CORO7: variants seen among roughly 807,000 people sequenced by gnomAD.
CORO7 encodes the protein coronin-7.
Under a neutral mutation model 126.6 loss-of-function variants are expected in CORO7, and 107 were observed. That is an observed-to-expected ratio of 0.85 (90% CI 0.72 to 0.99). The LOEUF is 0.99. Ranked by LOEUF, CORO7 falls within the 50% of genes least tolerant of loss-of-function variation. The pLI is 0.00. For missense variants in CORO7, 1,314 were observed against 1,255.8 expected (o/e 1.05, Z -0.70); for synonymous variants, 603 against 536.8 (o/e 1.12, Z -1.70).
intron 9 of CORO7, among the ~76,000 whole-genome samples, chr16:4,383,770 C>T (rs2055091025): frequency 1.3e-5 from 2 of 152,252 alleles, no homozygotes; most frequent in South Asian, 4.1e-4. Context: ...CAGGCCCTGT[C>T]TTCTGCCAGC....
At position 4,362,070 on chromosome 16, in the gene CORO7, G is replaced by C. The variant is rs1264903513; in HGVS notation, c.1493C>G (p.Pro498Arg). ...GGCACAGAAGCCGTCACTCTCACCA[G>C]GTGTGGTGAGGTTGAGCCCCTTGAG... is the stretch of plus-strand genomic sequence containing the variant. The part of the protein sequence containing the change: ...TNLKGLNLTT[P>R]GESDGFCANK... The change falls in exon 16 of 28, where the codon CCT becomes CGT. Residue 498 changes from proline (P) to arginine (R), a missense_variant. By Grantham distance (103) the Pro-to-Arg change is moderately radical. Transcript: ENST00000251166. This position sits in a 1 kb window ranked among gnomAD's most constrained non-coding sequence, Gnocchi z 5.3. 3 of 1,613,056 alleles carry C rather than the reference G, an allele frequency of 1.9e-6. No individual in the cohort carries two copies. Among genetic ancestry groups the C allele is most frequent in the African/African-American group, 2.7e-5 (2 of 74,902 alleles).
chr16:4,398,125 G>A (rs112603566), intron 6 of CORO7, among the ~76,000 whole-genome samples: 2 of 151,836 alleles, frequency 1.3e-5, no homozygotes, highest in Non-Finnish European at 2.9e-5. Context: ...TCACTATCTT[G>A]AGCAGGCTGG....
intron 9 of CORO7, among the ~76,000 whole-genome samples, chr16:4,380,234 G>C (rs1475124286): frequency 6.6e-6 from 1 of 152,140 alleles, no homozygotes; most frequent in East Asian, 1.9e-4. Flanking sequence ...ACCTGCCAAT[G>C]CCTGTGGCCT....
At chr16:4,379,752 A>C (rs1185320267) in intron 9 of CORO7, among the ~76,000 whole-genome samples, 1 of 152,034 alleles carries the variant, frequency 6.6e-6, no homozygotes, top group African/African-American at 2.4e-5. Context: ...CCCAAGAAAC[A>C]GTAGACGAAG....
chr16:4,396,906 C>T (rs1022133594), intron 6 of CORO7, among the ~76,000 whole-genome samples: 3 of 150,692 alleles, frequency 2.0e-5, no homozygotes, highest in Admixed American at 1.3e-4. Flanking sequence ...ATCCCAGCTA[C>T]TCAGGGGGCG....
At chr16:4,374,129 G>T (rs2054630354) in intron 9 of CORO7, among the ~76,000 whole-genome samples, 3 of 151,208 alleles carry the variant, frequency 2.0e-5, no homozygotes, top group Admixed American at 2.0e-4. Context: ...TGCCCAGTGG[G>T]CGTGTGTCTG....
rs1268481214 is a variant in CORO7 at position 4,413,336 on chromosome 16, G to C, written c.129C>G (p.Ser43Arg). The change falls in exon 2 of 28, where the codon AGC (serine) becomes AGG (arginine). Residue 43 changes from serine (S) to arginine (R), a missense_variant. Coordinates refer to ENST00000251166, the MANE Select transcript of CORO7 (RefSeq NM_024535.5). ...GACGGTCGGAGTTGAAGGCGATCAA[G>C]CTGCAGCTTGATTTGATGTGGTTCC... ...SCRNHIKSSC[S>R]LIAFNSDRPG... is the part of the protein sequence containing the mutation. 2 of 1,585,222 alleles carry C rather than the reference G, an allele frequency of 1.3e-6. No homozygotes were observed. Among genetic ancestry groups the C allele is most frequent in the Non-Finnish European group, 1.7e-6 (2 of 1,164,638 alleles).
intron 23 of CORO7, chr16:4,358,718 C>T: frequency 2.3e-6 from 1 of 429,242 alleles, no homozygotes; most frequent in East Asian, 3.6e-5. Context: ...CTTCTACGTG[C>T]CACCTCCACT....
intron 8 of CORO7, 47 bp from the exon 9 acceptor site, chr16:4,388,115 C>T (rs1408614280): frequency 3.2e-6 from 5 of 1,579,878 alleles, no homozygotes; most frequent in East Asian, 4.7e-5. Flanking sequence ...GTCCCTCAGC[C>T]CCACCCGGGG....
intron 9 of CORO7, among the ~76,000 whole-genome samples, chr16:4,378,065 C>T (rs1327603037): frequency 6.6e-6 from 1 of 152,184 alleles, no homozygotes; most frequent in African/African-American, 2.4e-5. Context: ...TGGCTGGTCC[C>T]CCTCCCCAGT....
chr16:4,408,510 G>T (rs1288632978), intron 3 of CORO7, among the ~76,000 whole-genome samples: 2 of 152,214 alleles, frequency 1.3e-5, no homozygotes, highest in East Asian at 1.9e-4. Context: ...AGCCGCTTGA[G>T]TCACCAGGCA....
rs374434380 is a variant in CORO7 at position 4,361,412 on chromosome 16, C to G, written c.1636G>C (p.Ala546Pro). Reference sequence around the variant, plus strand: ...GGGTCCCAGGCCAGATCAGTCACAGCTGCCCCATTCTGCAGCGTGGGCAGT... The same window carrying G: ...GGGTCCCAGGCCAGATCAGTCACAGGTGCCCCATTCTGCAGCGTGGGCAGT... ...TALPTLQNGAAVTDLAWDPFD... is the reference protein window; with the variant it reads ...TALPTLQNGAPVTDLAWDPFD... The change falls in exon 17 of 28, where the codon GCT becomes CCT. Residue 546 changes from alanine (A) to proline (P), a missense_variant. Ala to Pro is a conservative substitution (Grantham distance 27, BLOSUM62 -1). Coordinates refer to ENST00000251166, the MANE Select transcript of CORO7 (RefSeq NM_024535.5). 4.3e-6 allele frequency: 7 copies of G among 1,611,882 alleles called. No homozygotes were observed. The African/African-American group carries it at 8.0e-5, about 18-fold the overall frequency.
rs780828736 is a variant in CORO7 at position 4,413,293 on chromosome 16, A to G, written c.157+15T>C. The G allele has an allele frequency of 1.9e-5, 29 of 1,564,172 alleles. No homozygotes were observed. The highest frequency in any genetic ancestry group is 1.5e-5 in the Non-Finnish European group (17 of 1,153,034). ...AATATGTGAGCAAATATCCACACTC[A>G]TGGCCATTCCCTACCAGGACGGTCG... On this transcript the variant is annotated intron_variant, in intron 2 of 27. Coordinates refer to ENST00000251166, the MANE Select transcript of CORO7 (RefSeq NM_024535.5).
At chr16:4,381,571 C>T (rs1169298768) in intron 9 of CORO7, 1 of 1,605,280 alleles carries the variant, frequency 6.2e-7, no homozygotes, top group Non-Finnish European at 8.5e-7. Flanking sequence ...GGAGCGAGTG[C>T]CACCTGTGAT....
At chr16:4,360,839 T>A (rs1182413134) in intron 19 of CORO7, 104 bp downstream of exon 19, 19 of 1,436,494 alleles carry the variant, frequency 1.3e-5, no homozygotes, top group Non-Finnish European at 1.6e-5. Context: ...TGGTCCTGCC[T>A]CTCCTCACTG....
intron 7 of CORO7, among the ~76,000 whole-genome samples, chr16:4,389,840 C>A (rs948530166): frequency 6.6e-6 from 1 of 152,324 alleles, no homozygotes; most frequent in Admixed American, 6.5e-5. Flanking sequence ...GTGCAGCCCA[C>A]CAGGTGGCTC....
intron 7 of CORO7, among the ~76,000 whole-genome samples, chr16:4,394,743 C>T (rs1224879761): frequency 6.6e-6 from 1 of 152,250 alleles, no homozygotes; most frequent in Non-Finnish European, 1.5e-5. Context: ...TACAAGGTCT[C>T]TGTAGGGCAA....
chr16:4,384,718 C>T (rs987393472), intron 9 of CORO7, among the ~76,000 whole-genome samples: 1 of 152,156 alleles, frequency 6.6e-6, no homozygotes, highest in Admixed American at 6.5e-5. Flanking sequence ...TGGGTCATGG[C>T]GGGCAGTGGG....
At chr16:4,395,477 G>A in intron 6 of CORO7, 138 bp from the exon 7 acceptor site, 1 of 1,100,938 alleles carries the variant, frequency 9.1e-7, no homozygotes, top group Non-Finnish European at 1.3e-6. Flanking sequence ...ACACACCAGG[G>A]CATCCCTCCT....
Sources: allele counts gnomAD v4.1 joint callset (sites outside exome capture counted in the v4.1 genomes callset), GRCh38; gene constraint gnomAD v4.1.1; non-coding constraint Gnocchi (gnomAD v3.1); transcripts MANE v1.5; gene names NCBI Gene and HGNC (gene_info 2026-07-23, HGNC 2026-07-21).